WWP2: variants seen among roughly 807,000 people sequenced by gnomAD.
WWP2 encodes WW domain containing E3 ubiquitin protein ligase 2, also known as NEDD4-like E3 ubiquitin-protein ligase WWP2.
Under a neutral mutation model 121.0 loss-of-function variants are expected in WWP2, and 57 were observed. That is an observed-to-expected ratio of 0.47 (90% CI 0.38 to 0.59). WWP2 has a LOEUF of 0.59. Among genes scored for constraint, WWP2 ranks in the 20% least tolerant of loss-of-function variants. The probability of loss-of-function intolerance (pLI) is 0.00; values close to 1 mark genes in which losing one functional copy is unlikely to be tolerated. For synonymous variants in WWP2, 449 were observed against 441.3 expected, an observed-to-expected ratio of 1.02 and a Z score of -0.22; for missense variants, 962 against 1,158.9, an observed-to-expected ratio of 0.83 and a Z score of 2.47.
chr16:69,884,809 C>T (rs2057894353), intron 7 of WWP2, among the ~76,000 whole-genome samples: 1 of 152,130 alleles, frequency 6.6e-6, no homozygotes, highest in South Asian at 2.1e-4. Flanking sequence ...CCTGCCTTTT[C>T]TTTACAAACT....
chr16:69,937,271 CCTGCCT>C lies in WWP2; in HGVS notation c.2238+37_2238+42del. The C allele has an allele frequency of 1.2e-6, 2 of 1,610,768 alleles. No homozygotes were observed. Among genetic ancestry groups the C allele is most frequent in the Non-Finnish European group, 1.7e-6 (2 of 1,178,768 alleles). ...TCTGAGGTTGCTGGGACCCTGAGCC[CCTGCCT>C]CTGGGGCGATCCTGCTCTGTGATAC... On this transcript the variant is annotated intron_variant, in intron 20 of 23. Coordinates refer to ENST00000359154, the MANE Select transcript of WWP2 (RefSeq NM_001270454.2). This position sits in a 1 kb window ranked among gnomAD's most constrained non-coding sequence, Gnocchi z 6.6.
At chr16:69,883,400 G>GCGCACACA (rs141327083) in intron 7 of WWP2, among the ~76,000 whole-genome samples, 64 of 145,860 alleles carry the variant, frequency 4.4e-4, no homozygotes, top group African/African-American at 9.9e-4. Context: ...AAGAATGTGC[G>GCGCACACA]CACACACACA....
At chr16:69,922,872 T>A (rs914282470) in intron 10 of WWP2, among the ~76,000 whole-genome samples, 1 of 151,406 alleles carries the variant, frequency 6.6e-6, no homozygotes, top group Non-Finnish European at 1.5e-5. Context: ...GGTGCAAAAG[T>A]AATTGTGGTT....
chr16:69,766,354 T>G (rs977887191), intron 1 of WWP2, among the ~76,000 whole-genome samples: 5 of 152,208 alleles, frequency 3.3e-5, no homozygotes, highest in Non-Finnish European at 7.3e-5. Context: ...CCACCCTGGC[T>G]GGCCTTCACT....
chr16:69,776,732 G>A (rs1487277739), intron 1 of WWP2, among the ~76,000 whole-genome samples: 4 of 152,056 alleles, frequency 2.6e-5, no homozygotes, highest in Admixed American at 6.6e-5. Flanking sequence ...GGAGGCTGAG[G>A]CAGGAGAATT....
At chr16:69,852,142 A>C (rs1361152918) in intron 6 of WWP2, among the ~76,000 whole-genome samples, 3 of 152,234 alleles carry the variant, frequency 2.0e-5, no homozygotes, top group Non-Finnish European at 2.9e-5. Flanking sequence ...TGCCACCAGC[A>C]GTGAGTGAGA....
intron 4 of WWP2, among the ~76,000 whole-genome samples, chr16:69,807,963 C>G (rs1018796145): frequency 3.9e-5 from 6 of 152,042 alleles, no homozygotes; most frequent in African/African-American, 1.4e-4. Flanking sequence ...CTCAAACAAA[C>G]AAACAAAACA....
At chr16:69,811,827 C>A in intron 4 of WWP2, among the ~76,000 whole-genome samples, 1 of 152,180 alleles carries the variant, frequency 6.6e-6, no homozygotes, top group Admixed American at 6.5e-5. Context: ...TCGTCCTTCA[C>A]CCAACTGTTA....
At chr16:69,915,880 T>G (rs1434255692) in intron 9 of WWP2, among the ~76,000 whole-genome samples, 1 of 151,842 alleles carries the variant, frequency 6.6e-6, no homozygotes, top group Non-Finnish European at 1.5e-5. Flanking sequence ...ACAAAAATTT[T>G]TTTAAAAAAT....
chr16:69,798,574 T>C, intron 2 of WWP2, 108 bp from the exon 3 acceptor site: 1 of 1,306,212 alleles, frequency 7.7e-7, no homozygotes, highest in African/African-American at 1.5e-5. Flanking sequence ...CAAAATGTAT[T>C]GATTTATTTT....
At chr16:69,879,101 G>A (rs2057782018) in intron 7 of WWP2, among the ~76,000 whole-genome samples, 1 of 151,854 alleles carries the variant, frequency 6.6e-6, no homozygotes, top group Non-Finnish European at 1.5e-5. Flanking sequence ...TTTTTCTTGT[G>A]TCTCTTTTCA....
At chr16:69,777,242 ATATT>A (rs1049702107) in intron 1 of WWP2, among the ~76,000 whole-genome samples, 7 of 151,994 alleles carry the variant, frequency 4.6e-5, no homozygotes, top group African/African-American at 1.5e-4. Flanking sequence ...ATATACATGT[ATATT>A]TATTTGGTAA....
Position 69,829,473 on chromosome 16 carries a change from C to T in WWP2, c.341-10653C>T, listed in dbSNP as rs572614587. 2.4e-4 allele frequency among the ~76,000 whole-genome samples: 37 copies of T among 152,314 alleles called. 1 individual carries two copies. Among genetic ancestry groups the T allele is most frequent in the African/African-American group, 8.9e-4 (37 of 41,572 alleles). On this transcript the variant is annotated intron_variant, in intron 4 of 23. Coordinates refer to ENST00000359154, the MANE Select transcript of WWP2 (RefSeq NM_001270454.2). ...CATTTGGATCTCATTCCAGTCCAGC[C>T]CCGTTCATCTCTGCCCACTTTCCTG...
intron 9 of WWP2, among the ~76,000 whole-genome samples, chr16:69,912,567 TTTTGTTTG>T (rs569093580): frequency 1.3e-5 from 2 of 151,788 alleles, no homozygotes; most frequent in East Asian, 1.9e-4. Context: ...TGGAGGGTAG[TTTTGTTTG>T]TTTGTTTGTT....
At chr16:69,936,217 C>T (rs1463214418) in intron 18 of WWP2, 95 bp from the exon 19 acceptor site, 4 of 1,569,952 alleles carry the variant, frequency 2.5e-6, no homozygotes, top group Non-Finnish European at 3.5e-6. Flanking sequence ...TCTAGGCCAC[C>T]TGTGGGCCCT....
chr16:69,861,585 G>T (rs951478869), intron 6 of WWP2, among the ~76,000 whole-genome samples: 11 of 152,042 alleles, frequency 7.2e-5, no homozygotes, highest in Admixed American at 2.6e-4. Flanking sequence ...GACCAGAAGG[G>T]GCCCATTTTA....
At chr16:69,825,370 G>T (rs1256956474) in intron 4 of WWP2, among the ~76,000 whole-genome samples, 8 of 150,918 alleles carry the variant, frequency 5.3e-5, no homozygotes, top group Non-Finnish European at 7.4e-5. Context: ...GTTGCAGTGA[G>T]TTGAGATGGT....
chr16:69,826,936 C>A (rs2056707559), intron 4 of WWP2, among the ~76,000 whole-genome samples: 1 of 21,498 alleles, frequency 4.7e-5, no homozygotes, highest in Non-Finnish European at 1.6e-4. Context: ...GAGACTCCAC[C>A]TCAAAAAAAA....
chr16:69,890,736 G>C (rs953983745), intron 8 of WWP2: 2 of 152,296 alleles, frequency 1.3e-5, no homozygotes, highest in Non-Finnish European at 1.5e-5. Context: ...TACTGTTCTC[G>C]GGGATTGGGC....
Sources: gnomAD v4.1 joint callset for allele counts (sites outside exome capture counted in the v4.1 genomes callset) on GRCh38, gnomAD v4.1.1 for gene constraint, Gnocchi (gnomAD v3.1) non-coding constraint, MANE v1.5 for transcripts, NCBI Gene and HGNC (gene_info 2026-07-23, HGNC 2026-07-21) for gene names.